The following TADA2A variants were observed in gnomAD, a reference collection of about 807,000 sequenced individuals.
The protein encoded by TADA2A is transcriptional adapter 2-alpha.
A neutral mutation model predicts 67.4 loss-of-function variants in TADA2A; 38 were observed. That is an observed-to-expected ratio of 0.56 (90% CI 0.44 to 0.74). The LOEUF (loss-of-function observed/expected upper bound fraction) is 0.74. Ranked by LOEUF, TADA2A falls within the 30% of genes least tolerant of loss-of-function variation. The probability of loss-of-function intolerance (pLI) is 0.00; values close to 1 mark genes in which losing one functional copy is unlikely to be tolerated. For synonymous variants in TADA2A, 192 were observed against 181.6 expected (o/e 1.06, Z -0.46); for missense variants, 454 against 547.0 (o/e 0.83, Z 1.70).
chr17:37,458,415 A>C, intron 8 of TADA2A, 109 bp from the exon 9 acceptor site: 1 of 603,470 alleles, frequency 1.7e-6, no homozygotes, highest in Non-Finnish European at 2.4e-6. Context: ...GTAATTAGCA[A>C]TATGAGGTTC....
Position 37,471,094 on chromosome 17 carries a change from T to A in TADA2A, c.1029T>A (p.Ile343=), listed in dbSNP as rs1332928990. 9 of 1,614,052 alleles carry A rather than the reference T, an allele frequency of 5.6e-6. No individual in the cohort carries two copies. The highest frequency in any genetic ancestry group is 6.8e-6 in the Non-Finnish European group (8 of 1,180,024). ...TTTAAATTCCTCTTCTTCGTTGTAG[T>A]GATTCCGGCCTGAGTCCTTCCATTC... ...CQQWLRRQAD[I]DSGLSPSIPM... Residue 343 remains isoleucine, a splice_region_variant and synonymous_variant, in exon 14 of 16, where the codon ATT becomes ATA. Coordinates refer to ENST00000615182, the MANE Select transcript of TADA2A (RefSeq NM_001166105.3).
At chr17:37,457,519 ACGAGTCTCGCT>A (rs2053429242) in intron 8 of TADA2A, among the ~76,000 whole-genome samples, 2 of 103,792 alleles carry the variant, frequency 1.9e-5, no homozygotes, top group South Asian at 3.1e-4. Context: ...TTTTTTTGAG[ACGAGTCTCGCT>A]CTGTTGCCCC....
At chr17:37,438,304 C>T (rs963986912) in intron 5 of TADA2A, among the ~76,000 whole-genome samples, 9 of 152,288 alleles carry the variant, frequency 5.9e-5, no homozygotes, top group African/African-American at 2.2e-4. Context: ...CCAAAACCGG[C>T]GGAATTGAAT....
At chr17:37,447,681 C>T (rs1425584689) in intron 8 of TADA2A, among the ~76,000 whole-genome samples, 1 of 152,186 alleles carries the variant, frequency 6.6e-6, no homozygotes, top group Non-Finnish European at 1.5e-5. Flanking sequence ...ATGACTTGCT[C>T]ATGCCACAGA....
intron 8 of TADA2A, 139 bp downstream of exon 8, chr17:37,444,907 C>T: frequency 1.3e-6 from 1 of 778,228 alleles, no homozygotes; most frequent in Non-Finnish European, 2.1e-6. Flanking sequence ...AGTTGCTGAA[C>T]TTACTGTGTT....
chr17:37,469,954 CT>C (rs1471760826), intron 12 of TADA2A, among the ~76,000 whole-genome samples: 2 of 152,150 alleles, frequency 1.3e-5, no homozygotes, highest in African/African-American at 4.8e-5. Context: ...AGAAGAGGTA[CT>C]ACATGTCAAA....
intron 14 of TADA2A, 127 bp from the exon 15 acceptor site, chr17:37,474,429 G>T: frequency 2.5e-6 from 2 of 801,036 alleles, no homozygotes; most frequent in Non-Finnish European, 4.0e-6. Flanking sequence ...AATGGGACAG[G>T]ATTTCCTAAG....
chr17:37,445,578 A>C (rs2053053759), intron 8 of TADA2A, among the ~76,000 whole-genome samples: 1 of 152,188 alleles, frequency 6.6e-6, no homozygotes, highest in South Asian at 2.1e-4. Context: ...GCATTGCTGA[A>C]TTCTAATCTT....
intron 8 of TADA2A, among the ~76,000 whole-genome samples, 199 bp from the exon 9 acceptor site, chr17:37,458,325 C>T (rs187214864): frequency 1.3e-5 from 2 of 152,110 alleles, no homozygotes; most frequent in African/African-American, 2.4e-5. Context: ...ATATAAATAG[C>T]GGAAAAATAA....
intron 4 of TADA2A, among the ~76,000 whole-genome samples, chr17:37,435,450 G>A (rs1339656420): frequency 6.6e-6 from 1 of 151,656 alleles, no homozygotes; most frequent in African/African-American, 2.4e-5. Context: ...CACCACACCC[G>A]GCTAATTTTT....
intron 13 of TADA2A, 113 bp downstream of exon 13, chr17:37,470,645 A>G (rs1367732544): frequency 5.1e-6 from 6 of 1,187,548 alleles, no homozygotes; most frequent in Non-Finnish European, 6.8e-6. Context: ...AGCTGGAAGA[A>G]TTCAGAAATA....
chr17:37,437,079 T>A (rs1390196080), intron 4 of TADA2A, among the ~76,000 whole-genome samples: 1 of 151,540 alleles, frequency 6.6e-6, no homozygotes, highest in Non-Finnish European at 1.5e-5. Context: ...AGATTCCATT[T>A]ATTTTTAATT....
intron 2 of TADA2A, among the ~76,000 whole-genome samples, chr17:37,412,334 C>CACCTTGATAAGAAATGTGTCAGTGGTA (rs2051904394): frequency 6.6e-6 from 1 of 151,934 alleles, no homozygotes; most frequent in African/African-American, 2.4e-5. Flanking sequence ...ATGTTTCAGG[C>CACCTTGATAAGAAATGTGTCAGTGGTA]ACCTTGATAA....
chr17:37,428,152 T>C (rs2052464164), intron 4 of TADA2A, among the ~76,000 whole-genome samples: 1 of 152,224 alleles, frequency 6.6e-6, no homozygotes, highest in Non-Finnish European at 1.5e-5. Context: ...CTATATTTTC[T>C]ATCGATGCTG....
Position 37,408,957 on chromosome 17 carries a change from A to G in TADA2A, c.-98+2008A>G, listed in dbSNP as rs1346472636. On this transcript the variant is annotated intron_variant, in intron 1 of 15. Coordinates refer to ENST00000615182, the MANE Select transcript of TADA2A (RefSeq NM_001166105.3). ...TGAAAAAAATCACTTCAGAAAAGCT[A>G]AAGATAAATTAACCTTTTGTAGAAT... Among the ~76,000 whole-genome samples the G allele has an allele frequency of 4.6e-5, 7 of 152,366 alleles. No individual in the cohort carries two copies. The East Asian group carries it at 9.6e-4, about 21-fold the overall frequency.
In TADA2A at chr17:37,467,470, A is replaced by G; in HGVS notation, c.840A>G (p.Arg280=). 6.2e-7 allele frequency: 1 copy of G among 1,613,866 alleles called. No individual in the cohort carries two copies. Among genetic ancestry groups the G allele is most frequent in the East Asian group, 2.2e-5 (1 of 44,852 alleles). ...GGAAAACAGTGGAATTTGAACTCCG[A>G]AGGGAAATCAAGAGGCTCCAAGAAT... ...IESHALEFEL[R]REIKRLQEYR... Residue 280 remains arginine (R), a synonymous_variant, in exon 12 of 16, where the codon CGA becomes CGG. Transcript: ENST00000615182.
intron 8 of TADA2A, among the ~76,000 whole-genome samples, chr17:37,452,951 C>T (rs1222777408): frequency 6.6e-6 from 1 of 152,102 alleles, no homozygotes. Context: ...TTACCCTAAA[C>T]TTTTAAAAAT....
chr17:37,467,515 C>T lies in TADA2A; in HGVS notation c.885C>T (p.Thr295=). 6.2e-7 allele frequency: 1 copy of T among 1,613,254 alleles called. No homozygotes were observed. The highest frequency in any genetic ancestry group is 8.5e-7 in the Non-Finnish European group (1 of 1,179,506). The part of the protein sequence containing the change: ...RLQEYRTAGI[T]NFCSARTYDH... ...AAGAATACAGGACAGCAGGCATTAC[C>T]AATTTTTGTAGTAAGTATGCTTCAG... The change falls in exon 12 of 16, where the codon ACC becomes ACT. Residue 295 remains threonine, a synonymous_variant. Transcript: ENST00000615182.
At chr17:37,473,368 TTAAGGCAACTATGTA>T in intron 14 of TADA2A, among the ~76,000 whole-genome samples, 1 of 152,222 alleles carries the variant, frequency 6.6e-6, no homozygotes, top group African/African-American at 2.4e-5. Context: ...TTCTGAGTTC[TTAAGGCAACTATGTA>T]TTGGAAGCCT....
Sources: gnomAD v4.1 joint callset for allele counts (sites outside exome capture counted in the v4.1 genomes callset) on GRCh38, gnomAD v4.1.1 for gene constraint, MANE v1.5 for transcripts, NCBI Gene and HGNC (gene_info 2026-07-23, HGNC 2026-07-21) for gene names.